The following PCDH15 variants were observed in gnomAD, a reference collection of about 807,000 sequenced individuals.
The protein encoded by PCDH15 is protocadherin related 15.
In PCDH15, 129 loss-of-function variants were observed where a neutral mutation model predicts 178.5. The observed-to-expected ratio is 0.72, with a 90% CI of 0.63 to 0.84. PCDH15 has a LOEUF of 0.84. PCDH15 is among the 40% of genes least tolerant of loss of function. PCDH15 has a pLI of 0.00. For missense variants in PCDH15, 2,230 were observed against 2,099.9 expected (o/e 1.06, Z -1.21); for synonymous variants, 800 against 732.0 (o/e 1.09, Z -1.50).
intron 25 of PCDH15, among the ~76,000 whole-genome samples, chr10:53,935,487 A>G (rs1422267908): frequency 6.6e-6 from 1 of 152,208 alleles, no homozygotes; most frequent in Non-Finnish European, 1.5e-5. Flanking sequence ...TAAGTCGTAG[A>G]ACAAATGTGG....
intron 2 of PCDH15, among the ~76,000 whole-genome samples, chr10:54,960,859 G>A (rs146736558): frequency 2.3e-4 from 35 of 152,218 alleles, no homozygotes; most frequent in African/African-American, 7.9e-4. Context: ...AGTGTACAAC[G>A]TAGGCTGGTG....
At chr10:54,897,133 C>G (rs1033477949) in intron 3 of PCDH15, among the ~76,000 whole-genome samples, 1 of 152,140 alleles carries the variant, frequency 6.6e-6, no homozygotes, top group South Asian at 2.1e-4. Flanking sequence ...ATGACAGTTG[C>G]CACATAATAC....
At chr10:55,476,213 T>C (rs1840059196) in intron 2 of PCDH15, among the ~76,000 whole-genome samples, 1 of 151,978 alleles carries the variant, frequency 6.6e-6, no homozygotes, top group Non-Finnish European at 1.5e-5. Context: ...CTAAGAGGAC[T>C]TCAGAGGGCC....
chr10:54,651,281 G>C (rs1015352546), intron 2 of PCDH15, among the ~76,000 whole-genome samples: 6 of 152,108 alleles, frequency 3.9e-5, no homozygotes, highest in Non-Finnish European at 8.8e-5. Context: ...GTAAACAATT[G>C]GTGTATGTTG....
chr10:54,720,742 A>G (rs1338228239), intron 1 of PCDH15, among the ~76,000 whole-genome samples: 1 of 152,028 alleles, frequency 6.6e-6, no homozygotes, highest in East Asian at 1.9e-4. Context: ...TGATTCATAA[A>G]ACAAATACTA....
chr10:55,484,765 C>T (rs930301539), intron 2 of PCDH15, among the ~76,000 whole-genome samples: 3 of 151,558 alleles, frequency 2.0e-5, no homozygotes, highest in African/African-American at 7.3e-5. Flanking sequence ...GCCAAAGGCA[C>T]CAAGAACACA....
chr10:53,862,880 T>C (rs2079190420), intron 27 of PCDH15, among the ~76,000 whole-genome samples: 2 of 152,212 alleles, frequency 1.3e-5, no homozygotes, highest in South Asian at 4.1e-4. Context: ...CTTTCGTTGA[T>C]AGGTTAGCTA....
chr10:54,320,215 C>T (rs1253129037), intron 7 of PCDH15, among the ~76,000 whole-genome samples: 1 of 151,912 alleles, frequency 6.6e-6, no homozygotes, highest in African/African-American at 2.4e-5. Flanking sequence ...TTCCCTCTGC[C>T]AAGAAAGTTT....
At chr10:54,841,807 T>C (rs749250877) in intron 3 of PCDH15, among the ~76,000 whole-genome samples, 47 of 151,928 alleles carry the variant, frequency 3.1e-4, no homozygotes, top group Admixed American at 5.9e-4. Flanking sequence ...TGCATATTAT[T>C]ACAATCATTT....
At chr10:55,481,867 A>G (rs1589068270) in intron 2 of PCDH15, among the ~76,000 whole-genome samples, 3 of 151,932 alleles carry the variant, frequency 2.0e-5, no homozygotes, top group South Asian at 4.1e-4. Context: ...TCCAGCACTG[A>G]GTTCAGGTCC....
chr10:53,943,498 AAAC>A (rs898920845), intron 23 of PCDH15, among the ~76,000 whole-genome samples: 15 of 147,552 alleles, frequency 1.0e-4, no homozygotes, highest in Non-Finnish European at 1.8e-4. Flanking sequence ...ACAAACAAAC[AAAC>A]AAAAAAAACA....
intron 2 of PCDH15, among the ~76,000 whole-genome samples, chr10:55,331,744 G>T (rs567737793): frequency 1.3e-3 from 193 of 152,132 alleles, no homozygotes; most frequent in Non-Finnish European, 2.4e-3. Flanking sequence ...TGTGAACAAG[G>T]TAACCTCTTA....
chr10:54,366,193 GACTT>G (rs1238407011), intron 5 of PCDH15, among the ~76,000 whole-genome samples: 1 of 151,980 alleles, frequency 6.6e-6, no homozygotes, highest in Non-Finnish European at 1.5e-5. Context: ...GACTAATCAG[GACTT>G]TAATTTTGGA....
At chr10:55,208,152 A>T (rs1840457187) in intron 1 of PCDH15, among the ~76,000 whole-genome samples, 1 of 152,156 alleles carries the variant, frequency 6.6e-6, no homozygotes, top group Non-Finnish European at 1.5e-5. Context: ...CTTATTTTGT[A>T]GAAATAAAAG....
intron 1 of PCDH15, among the ~76,000 whole-genome samples, chr10:54,744,618 T>A (rs552638686): frequency 6.6e-6 from 1 of 152,182 alleles, no homozygotes; most frequent in Admixed American, 6.5e-5. Flanking sequence ...ATACCAAAGT[T>A]GAAAAAGACA....
At chr10:55,474,592 G>T (rs779485436) in intron 2 of PCDH15, among the ~76,000 whole-genome samples, 7 of 152,114 alleles carry the variant, frequency 4.6e-5, no homozygotes, top group Non-Finnish European at 1.0e-4. Context: ...ATAAGTTATT[G>T]TATTCCACTT....
chr10:54,503,323 T>TTA (rs919487723), intron 3 of PCDH15, among the ~76,000 whole-genome samples: 19 of 146,078 alleles, frequency 1.3e-4, no homozygotes, highest in South Asian at 4.2e-4. Flanking sequence ...ATGTTTTATA[T>TTA]TATATATATA....
intron 1 of PCDH15, among the ~76,000 whole-genome samples, chr10:54,742,045 G>T (rs1468447621): frequency 6.6e-6 from 1 of 152,052 alleles, no homozygotes. Flanking sequence ...TGCTAGATAA[G>T]TCTTTTCCTT....
chr10:54,813,567 T>G (rs1342004463), intron 3 of PCDH15, among the ~76,000 whole-genome samples: 1 of 152,168 alleles, frequency 6.6e-6, no homozygotes, highest in African/African-American at 2.4e-5. Context: ...CTCTTATCTC[T>G]TTTCCAATCA....
Sources: gnomAD v4.1 joint callset for allele counts (sites outside exome capture counted in the v4.1 genomes callset) on GRCh38, gnomAD v4.1.1 for gene constraint, MANE v1.5 for transcripts, NCBI Gene and HGNC (gene_info 2026-07-23, HGNC 2026-07-21) for gene names.